The following TOPBP1 variants were observed in gnomAD, a reference collection of about 807,000 sequenced individuals.
TOPBP1 encodes DNA topoisomerase II binding protein 1.
TOPBP1 carries 28 observed loss-of-function variants against 167.7 expected under a neutral mutation model. That is an observed-to-expected ratio of 0.17 (90% CI 0.12 to 0.23). The LOEUF (loss-of-function observed/expected upper bound fraction) is 0.23, where lower values mean the gene tolerates loss of function less well. TOPBP1 is among the 10% of genes least tolerant of loss of function. The pLI is 1.00. For missense variants in TOPBP1, 1,554 were observed against 1,809.6 expected, an observed-to-expected ratio of 0.86 and a Z score of 2.56; for synonymous variants, 598 against 611.4, an observed-to-expected ratio of 0.98 and a Z score of 0.32.
rs773581364 is a variant in TOPBP1, at chr3:133,661,075, T to A, written c.53A>T (p.Asp18Val). The A allele has an allele frequency of 6.2e-7, 1 of 1,601,858 alleles. No individual in the cohort carries two copies. The highest frequency in any genetic ancestry group is 8.5e-7 in the Non-Finnish European group (1 of 1,175,386). Residue 18 changes from aspartate to valine, a missense_variant, in exon 2 of 28, where the codon GAC (aspartate) becomes GTC (valine). By Grantham distance (152) the Asp-to-Val change is radical. Coordinates refer to ENST00000260810, the MANE Select transcript of TOPBP1 (RefSeq NM_007027.4). ...AGCTTTAAAAAAACATTTGGAATTG[T>A]CTGAAGACTTTAAAAACTTCACAAA... Reference protein sequence around the residue: ...PFFVKFLKSSDNSKCFFKALE... With the variant: ...PFFVKFLKSSVNSKCFFKALE...
At chr3:133,629,849 C>T (rs1290562366) in intron 14 of TOPBP1, among the ~76,000 whole-genome samples, 2 of 151,850 alleles carry the variant, frequency 1.3e-5, no homozygotes, top group Non-Finnish European at 1.5e-5. Flanking sequence ...TACAATGGCG[C>T]GATCTCGGCT....
intron 8 of TOPBP1, among the ~76,000 whole-genome samples, chr3:133,650,574 G>GTA (rs1265158699): frequency 1.3e-5 from 2 of 151,940 alleles, no homozygotes; most frequent in African/African-American, 2.4e-5. Flanking sequence ...TTAGCTATCA[G>GTA]TATATATATA....
Position 133,623,327 on chromosome 3 carries a change from G to A in TOPBP1, c.3059C>T (p.Ser1020Leu). Residue 1020 changes from serine (S) to leucine (L), a missense_variant, in exon 18 of 28, where the codon TCA (serine) becomes TTA (leucine). Physicochemically the swap from Ser to Leu is moderately radical, Grantham distance 145. Coordinates refer to ENST00000260810, the MANE Select transcript of TOPBP1 (RefSeq NM_007027.4). ...ATCTCCTACCTCATCATCCTTTGTT[G>A]AAGACACAGCTGAGAGTAGTCGACT... ...CNSRLLSAVS[S>L]TKDDEPDPLI... The A allele has an allele frequency of 4.3e-6, 7 of 1,613,644 alleles. No individual in the cohort carries two copies. Among genetic ancestry groups the A allele is most frequent in the Non-Finnish European group, 5.9e-6 (7 of 1,179,762 alleles).
intron 23 of TOPBP1, among the ~76,000 whole-genome samples, chr3:133,615,024 CA>C (rs1018922605): frequency 4.8e-5 from 7 of 144,350 alleles, no homozygotes; most frequent in Admixed American, 2.1e-4. Context: ...GCTTCACCCG[CA>C]AAAAAAAGAG....
chr3:133,654,491 A>G (rs1405302040), intron 6 of TOPBP1, among the ~76,000 whole-genome samples: 3 of 152,198 alleles, frequency 2.0e-5, no homozygotes, highest in South Asian at 2.1e-4. Flanking sequence ...TATCAACTCT[A>G]CTCACAGTGA....
intron 6 of TOPBP1, 38 bp downstream of exon 6, chr3:133,655,252 A>AG: frequency 1.6e-6 from 2 of 1,237,502 alleles, no homozygotes; most frequent in East Asian, 5.7e-5. Flanking sequence ...ATACTAGAGA[A>AG]AATGTTTCAT....
intron 24 of TOPBP1, among the ~76,000 whole-genome samples, chr3:133,611,961 C>T (rs895147803): frequency 6.6e-6 from 1 of 151,936 alleles, no homozygotes; most frequent in Non-Finnish European, 1.5e-5. Context: ...TGGTCTTGAA[C>T]TCCTAGGTTC....
intron 27 of TOPBP1, among the ~76,000 whole-genome samples, chr3:133,607,065 T>C (rs760002681): frequency 6.6e-6 from 1 of 152,158 alleles, no homozygotes; most frequent in African/African-American, 2.4e-5. Flanking sequence ...ACCTACCGCA[T>C]GGCTAAAAAT....
intron 27 of TOPBP1, among the ~76,000 whole-genome samples, chr3:133,606,797 A>G (rs1934507994): frequency 6.6e-6 from 1 of 152,156 alleles, no homozygotes; most frequent in Non-Finnish European, 1.5e-5. Context: ...GAACACCTAG[A>G]TATCTATATG....
Position 133,601,149 on chromosome 3 carries a change from A to T in TOPBP1, c.*101T>A. On this transcript the variant is annotated 3_prime_UTR_variant, in exon 28 of 28. Transcript: ENST00000260810. ...ATTATACTCTGAAGCAGAATTCTTC[A>T]GGTACTCATCTTTAAATTACTACCC... is the stretch of plus-strand genomic sequence containing the variant. The T allele has an allele frequency of 1.0e-6, 1 of 990,318 alleles. No homozygotes were observed. Among genetic ancestry groups the T allele is most frequent in the Admixed American group, 3.1e-5 (1 of 32,174 alleles). 61.3% of individuals were successfully genotyped at this position (990,318 alleles called of 1,614,324 possible).
Position 133,640,029 on chromosome 3 carries a change from C to A in TOPBP1, c.2163G>T (p.Leu721=). The A allele has an allele frequency of 6.2e-7, 1 of 1,613,886 alleles. No homozygotes were observed. The highest frequency in any genetic ancestry group is 8.5e-7 in the Non-Finnish European group (1 of 1,179,848). The change falls in exon 13 of 28, where the codon CTG becomes CTT. Residue 721 remains leucine (L), a synonymous_variant. Transcript: ENST00000260810. ...WNLPAVTIAW[L]LETARTGKRA... ...TCTTTCCCGTTCTAGCAGTCTCCAA[C>A]AGCCAAGCTATAGTAACGGCAGGTA...
chr3:133,661,139 CAAAAT>C lies in TOPBP1; in HGVS notation c.-7-10_-7-6del, dbSNP rs760262551. 3.2e-6 allele frequency: 5 copies of C among 1,561,284 alleles called. No individual in the cohort carries two copies. The highest frequency in any genetic ancestry group is 4.3e-6 in the Non-Finnish European group (5 of 1,160,266). On this transcript the variant is annotated splice_polypyrimidine_tract_variant and splice_region_variant and intron_variant, in intron 1 of 27. Coordinates refer to ENST00000260810, the MANE Select transcript of TOPBP1 (RefSeq NM_007027.4). ...TCATTTCTGGACATTTCTGAACTGT[CAAAAT>C]AAAGGAACCATTAACAAGAACAAAA... is the stretch of plus-strand genomic sequence containing the variant.
intron 8 of TOPBP1, 69 bp from the exon 9 acceptor site, chr3:133,650,012 A>G: frequency 7.9e-7 from 1 of 1,273,236 alleles, no homozygotes; most frequent in Non-Finnish European, 1.1e-6. Flanking sequence ...AAAAATATAT[A>G]TCTAAATCCA....
chr3:133,634,833 T>C (rs1037021040), intron 14 of TOPBP1, among the ~76,000 whole-genome samples: 2 of 152,158 alleles, frequency 1.3e-5, no homozygotes, highest in Non-Finnish European at 2.9e-5. Flanking sequence ...ATGAACTTCA[T>C]CCTACCAAAA....
chr3:133,649,687 C>T (rs200045961), intron 9 of TOPBP1, 54 bp from the exon 10 acceptor site: 2 of 1,597,410 alleles, frequency 1.3e-6, no homozygotes, highest in South Asian at 1.1e-5. Context: ...GACCATCATC[C>T]CACTTGTCAT....
chr3:133,643,468 A>C (rs1056080075), intron 11 of TOPBP1, 96 bp from the exon 12 acceptor site: 2 of 1,111,650 alleles, frequency 1.8e-6, no homozygotes, highest in African/African-American at 1.6e-5. Flanking sequence ...AGTTTTGATA[A>C]GAAGAAATTT....
intron 3 of TOPBP1, among the ~76,000 whole-genome samples, chr3:133,658,399 G>A (rs1299647287): frequency 3.3e-5 from 5 of 151,952 alleles, no homozygotes; most frequent in Non-Finnish European, 4.4e-5. Context: ...CCCAGGAGGC[G>A]GAGGTTGCAG....
At chr3:133,624,750 GACTAT>G (rs1935210334) in intron 16 of TOPBP1, among the ~76,000 whole-genome samples, 1 of 151,990 alleles carries the variant, frequency 6.6e-6, no homozygotes, top group Non-Finnish European at 1.5e-5. Flanking sequence ...CCCCAAAACA[GACTAT>G]ATATATTTTA....
chr3:133,618,723 T>A (rs965754275), intron 20 of TOPBP1, among the ~76,000 whole-genome samples: 7 of 152,226 alleles, frequency 4.6e-5, no homozygotes, highest in Non-Finnish European at 8.8e-5. Flanking sequence ...AGAAATTTTT[T>A]AAAAATACTA....
Sources: allele counts gnomAD v4.1 joint callset (sites outside exome capture counted in the v4.1 genomes callset), GRCh38; gene constraint gnomAD v4.1.1; transcripts MANE v1.5; gene names NCBI Gene and HGNC (gene_info 2026-07-23, HGNC 2026-07-21).